SLC2A1: variants seen among roughly 807,000 people sequenced by gnomAD.
The protein encoded by SLC2A1 is solute carrier family 2, facilitated glucose transporter member 1.
SLC2A1 carries 4 observed loss-of-function variants against 46.6 expected under a neutral mutation model. The ratio of observed to expected loss-of-function variants is 0.09; its 90% CI spans 0.04 to 0.20. The LOEUF is 0.20. SLC2A1 is among the 10% of genes least tolerant of loss of function. SLC2A1 has a pLI of 1.00. For synonymous variants in SLC2A1, 253 were observed against 270.0 expected, an observed-to-expected ratio of 0.94 and a Z score of 0.62; for missense variants, 352 against 667.0, an observed-to-expected ratio of 0.53 and a Z score of 5.20.
chr1:42,946,740 G>C (rs983757381), intron 1 of SLC2A1, among the ~76,000 whole-genome samples: 1 of 152,078 alleles, frequency 6.6e-6, no homozygotes, highest in African/African-American at 2.4e-5. Flanking sequence ...CTAGGTGTAG[G>C]GGGAGGGACA....
At chr1:42,928,831 A>C (rs1471540381) in intron 8 of SLC2A1, 101 bp downstream of exon 8, 1 of 1,048,206 alleles carries the variant, frequency 9.5e-7, no homozygotes, top group Non-Finnish European at 1.5e-6. Context: ...GAATGCAGCC[A>C]CCAAAAGGCC....
intron 1 of SLC2A1, among the ~76,000 whole-genome samples, chr1:42,956,782 C>T (rs1334068467): frequency 6.6e-6 from 1 of 152,160 alleles, no homozygotes; most frequent in Non-Finnish European, 1.5e-5. Flanking sequence ...TCTCTCCCTT[C>T]TGCCCAAAAT....
Position 42,929,411 on chromosome 1 carries a change from G to C in SLC2A1, c.868-97C>G, listed in dbSNP as rs1227740631. 8.6e-7 allele frequency: 1 copy of C among 1,156,698 alleles called. No homozygotes were observed. Among genetic ancestry groups the C allele is most frequent in the Admixed American group, 2.0e-5 (1 of 50,980 alleles). The allele number at this position is 1,156,698 out of a possible 1,614,324, so 71.7% of individuals were successfully genotyped here. A position where few individuals can be genotyped will look rare whatever the true frequency, so the allele number is the denominator to read the frequency against. Reference sequence around the variant, plus strand: ...GTGGGACCCAGGATGAGTAAAGAATGAAGGGGACAAATACTCAGGCAGAAG... The same window carrying C: ...GTGGGACCCAGGATGAGTAAAGAATCAAGGGGACAAATACTCAGGCAGAAG... On this transcript the variant is annotated intron_variant, in intron 6 of 9. Transcript: ENST00000426263. The surrounding 1 kb of genome is among the most constrained non-coding windows in gnomAD (Gnocchi z 6.0).
chr1:42,942,636 T>C (rs2124461181), intron 2 of SLC2A1, among the ~76,000 whole-genome samples: 1 of 151,882 alleles, frequency 6.6e-6, no homozygotes, highest in South Asian at 2.1e-4. Flanking sequence ...GAGGACGCGG[T>C]TTCAACCTAC....
At chr1:42,938,483 G>T (rs1382099342) in intron 2 of SLC2A1, among the ~76,000 whole-genome samples, 1 of 152,192 alleles carries the variant, frequency 6.6e-6, no homozygotes, top group Non-Finnish European at 1.5e-5. Flanking sequence ...AAACATATAA[G>T]GTAGTATGAT....
intron 1 of SLC2A1, among the ~76,000 whole-genome samples, chr1:42,945,648 TG>T (rs1195450530): frequency 1.3e-5 from 2 of 149,094 alleles, no homozygotes; most frequent in Non-Finnish European, 3.0e-5. Flanking sequence ...CTTGGGAGGC[TG>T]AGGGACAAGA....
intron 1 of SLC2A1, chr1:42,952,090 G>C (rs1421294353): frequency 2.2e-6 from 1 of 454,034 alleles, no homozygotes; most frequent in Non-Finnish European, 3.9e-6. Context: ...GTCAACAGAT[G>C]ATGGGCATTT....
At chr1:42,931,960 G>A (rs1295543475) in intron 2 of SLC2A1, among the ~76,000 whole-genome samples, 1 of 152,196 alleles carries the variant, frequency 6.6e-6, no homozygotes, top group Non-Finnish European at 1.5e-5. Flanking sequence ...CCCTTGCTGG[G>A]GAGGAAGCAG....
chr1:42,930,405 G>T lies in SLC2A1; in HGVS notation c.516+221C>A. The T allele has an allele frequency of 1.4e-6, 1 of 737,620 alleles. No individual in the cohort carries two copies. Among genetic ancestry groups the T allele is most frequent in the Non-Finnish European group, 2.4e-6 (1 of 410,136 alleles). The allele number at this position is 737,620 out of a possible 1,614,324, so 45.7% of individuals were successfully genotyped here. The stretch of plus-strand genomic sequence containing the variant: ...GGGAAGGCGGGCCCTGTGGTTGGAA[G>T]CCTAGAGTGAGAAGAAAGGGACTGA... On this transcript the variant is annotated intron_variant, in intron 4 of 9. Transcript: ENST00000426263. This position sits in a 1 kb window ranked among gnomAD's most constrained non-coding sequence, Gnocchi z 6.2.
In SLC2A1 at chr1:42,953,064, G is replaced by A. The variant is rs894727910; in HGVS notation, c.18+5570C>T. Among the ~76,000 whole-genome samples the A allele has an allele frequency of 6.6e-5, 10 of 152,196 alleles. No individual in the cohort carries two copies. In the East Asian group the frequency reaches 1.2e-3, roughly 18 times the overall value. On this transcript the variant is annotated intron_variant, in intron 1 of 9. Coordinates refer to ENST00000426263, the MANE Select transcript of SLC2A1 (RefSeq NM_006516.4). The stretch of plus-strand genomic sequence containing the variant: ...TGGTAGAGCTGTTTCTGATGGAGCC[G>A]TTTCCTCCCCACTCCCAAATGCCAG...
Position 42,958,728 on chromosome 1 carries a change from C to G in SLC2A1, c.-77G>C, listed in dbSNP as rs1166714970. 5 of 1,454,128 alleles carry G rather than the reference C, an allele frequency of 3.4e-6. No individual in the cohort carries two copies. Among genetic ancestry groups the G allele is most frequent in the Middle Eastern group, 1.7e-4 (1 of 5,794 alleles). The allele number at this position is 1,454,128 out of a possible 1,614,324, so 90.1% of individuals were successfully genotyped here. ...GGCGTGCGAGCGGCGCTCTCCCGCTCAGGCTCGTGCTCCGGTCCGGGGACT... is the reference window on the plus strand; with the variant it reads ...GGCGTGCGAGCGGCGCTCTCCCGCTGAGGCTCGTGCTCCGGTCCGGGGACT... On this transcript the variant is annotated 5_prime_UTR_variant, in exon 1 of 10. Coordinates refer to ENST00000426263, the MANE Select transcript of SLC2A1 (RefSeq NM_006516.4).
chr1:42,940,507 T>C (rs1643586822), intron 2 of SLC2A1, among the ~76,000 whole-genome samples: 1 of 152,266 alleles, frequency 6.6e-6, no homozygotes, highest in East Asian at 1.9e-4. Flanking sequence ...CTTGGGAGGG[T>C]ATCCTCTCCT....
chr1:42,936,873 C>T (rs139149055), intron 2 of SLC2A1, among the ~76,000 whole-genome samples: 177 of 152,244 alleles, frequency 1.2e-3, no homozygotes, highest in African/African-American at 3.6e-3. Flanking sequence ...GCCTTCCTCC[C>T]GAGAACCACC....
chr1:42,954,453 AG>A lies in SLC2A1; in HGVS notation c.18+4180del, dbSNP rs1643753914. Among the ~76,000 whole-genome samples the A allele has an allele frequency of 6.6e-6, 1 of 152,232 alleles. No homozygotes were observed. Among genetic ancestry groups the A allele is most frequent in the South Asian group, 2.1e-4 (1 of 4,832 alleles). The stretch of plus-strand genomic sequence containing the variant: ...GGCAGGAGAACCACTAGAACCTGGG[AG>A]GCGAAGGTTGTGGTGAGCTGAGATT... On this transcript the variant is annotated intron_variant, in intron 1 of 9. Coordinates refer to ENST00000426263, the MANE Select transcript of SLC2A1 (RefSeq NM_006516.4). The surrounding 1 kb of genome is among the most constrained non-coding windows in gnomAD (Gnocchi z 4.2).
intron 3 of SLC2A1, 37 bp downstream of exon 3, chr1:42,931,009 G>A: frequency 6.2e-7 from 1 of 1,613,280 alleles, no homozygotes; most frequent in Non-Finnish European, 8.5e-7. Flanking sequence ...GAGGGCATGG[G>A]CCCTCCAAGG....
intron 8 of SLC2A1, among the ~76,000 whole-genome samples, 199 bp from the exon 9 acceptor site, chr1:42,928,007 G>T (rs1477593422): frequency 6.6e-6 from 1 of 152,236 alleles, no homozygotes; most frequent in Non-Finnish European, 1.5e-5. Flanking sequence ...CAGGGTGGCT[G>T]CAAGTGTTGA....
rs530108460 is a variant in SLC2A1 at position 42,933,583 on chromosome 1, A to G, written c.115-2377T>C. Among the ~76,000 whole-genome samples the G allele has an allele frequency of 2.0e-5, 3 of 152,262 alleles. No individual in the cohort carries two copies. The East Asian group carries it at 5.8e-4, about 29-fold the overall frequency. On this transcript the variant is annotated intron_variant, in intron 2 of 9. Transcript: ENST00000426263. Reference sequence around the variant, plus strand: ...GGGCAGACAGAAGGCAGATTTTGACAAAAAACAGAGTAACAAAATGCAAAG... The same window carrying G: ...GGGCAGACAGAAGGCAGATTTTGACGAAAAACAGAGTAACAAAATGCAAAG...
rs536192017 is a variant in SLC2A1 at position 42,953,052 on chromosome 1, T to C, written c.18+5582A>G. Among the ~76,000 whole-genome samples the C allele has an allele frequency of 2.6e-5, 4 of 152,338 alleles. No homozygotes were observed. The East Asian group carries it at 7.7e-4, about 29-fold the overall frequency. ...CCTAAGGTCCAATGGTAGAGCTGTT[T>C]CTGATGGAGCCGTTTCCTCCCCACT... is the stretch of plus-strand genomic sequence containing the variant. On this transcript the variant is annotated intron_variant, in intron 1 of 9. Transcript: ENST00000426263.
At chr1:42,943,867 T>G (rs1643623030) in intron 1 of SLC2A1, among the ~76,000 whole-genome samples, 1 of 152,170 alleles carries the variant, frequency 6.6e-6, no homozygotes, top group Admixed American at 6.5e-5. Context: ...TCCATTTGCT[T>G]GTCAGCAAAA....
Sources: allele counts gnomAD v4.1 joint callset (sites outside exome capture counted in the v4.1 genomes callset), GRCh38; gene constraint gnomAD v4.1.1; non-coding constraint Gnocchi (gnomAD v3.1); transcripts MANE v1.5; gene names NCBI Gene and HGNC (gene_info 2026-07-23, HGNC 2026-07-21).